The following C6orf89 variants were observed in gnomAD, a reference collection of about 807,000 sequenced individuals.
C6orf89 encodes chromosome 6 open reading frame 89.
A neutral mutation model predicts 40.7 loss-of-function variants in C6orf89; 29 were observed. That is an observed-to-expected ratio of 0.71 (90% CI 0.53 to 0.97). The LOEUF is 0.97. Among genes scored for constraint, C6orf89 ranks in the 50% least tolerant of loss-of-function variants. C6orf89 has a pLI of 0.00. For synonymous variants in C6orf89, 165 were observed against 152.2 expected (o/e 1.08, Z -0.62); for missense variants, 392 against 429.1 (o/e 0.91, Z 0.76).
In C6orf89 at chr6:36,916,450, G is replaced by A; in HGVS notation, c.701G>A (p.Arg234Lys). The A allele has an allele frequency of 6.2e-7, 1 of 1,613,306 alleles. No homozygotes were observed. Among genetic ancestry groups the A allele is most frequent in the Non-Finnish European group, 8.5e-7 (1 of 1,179,528 alleles). ...RWFPFPYPWRRPLNRSQMLRE... is the reference protein window; with the variant it reads ...RWFPFPYPWRKPLNRSQMLRE... ...TCTGTTTCATACTTCTACAGGAGGA[G>A]ACCTCTGAACAGATCACAAATGTTA... The change falls in exon 7 of 9, where the codon AGA (arginine) becomes AAA (lysine). Residue 234 changes from arginine (R) to lysine (K), a missense_variant. Coordinates refer to ENST00000480824, the MANE Select transcript of C6orf89 (RefSeq NM_001286635.2).
In C6orf89 at chr6:36,923,388, A is replaced by G; in HGVS notation, c.991A>G (p.Arg331Gly). Residue 331 changes from arginine to glycine, a missense_variant, in exon 9 of 9, where the codon AGA becomes GGA. Arg to Gly is a moderately radical substitution (Grantham distance 125, BLOSUM62 -2). Transcript: ENST00000480824. ...CCACTGGAAGGTCTACGTTATAGCC[A>G]GAGGGGTCCAGCCTTTGGTCATCTG... ...TTHWKVYVIA[R>G]GVQPLVICDG... 1 of 1,614,196 alleles carries G rather than the reference A, an allele frequency of 6.2e-7. No individual in the cohort carries two copies. Among genetic ancestry groups the G allele is most frequent in the Non-Finnish European group, 8.5e-7 (1 of 1,179,992 alleles).
At chr6:36,886,178 T>G (rs1774979593) in intron 1 of C6orf89, 150 bp downstream of exon 1, 1 of 706,814 alleles carries the variant, frequency 1.4e-6, no homozygotes. Flanking sequence ...CTCTCCAGTT[T>G]TGTAGACTGA....
At chr6:36,912,602 G>T (rs1011219270) in intron 4 of C6orf89, among the ~76,000 whole-genome samples, 9 of 152,148 alleles carry the variant, frequency 5.9e-5, no homozygotes, top group African/African-American at 2.2e-4. Context: ...GGTACTAAAG[G>T]GTTTTCAGCT....
At chr6:36,874,704 C>T in intron 1 of C6orf89, 1 of 1,613,798 alleles carries the variant, frequency 6.2e-7, no homozygotes, top group Non-Finnish European at 8.5e-7. Flanking sequence ...CCCAGACGCC[C>T]GAACCCCCTC....
At chr6:36,897,302 C>T (rs9918461) in intron 2 of C6orf89, among the ~76,000 whole-genome samples, 31,784 of 151,950 alleles carry the variant, frequency 0.21, 3,422 homozygotes, top group East Asian at 0.3. Context: ...ACACCCAAAT[C>T]CTTGCATATT....
intron 8 of C6orf89, among the ~76,000 whole-genome samples, chr6:36,920,053 G>T (rs1300275905): frequency 6.6e-6 from 1 of 152,228 alleles, no homozygotes; most frequent in East Asian, 1.9e-4. Context: ...CCCACTGTCA[G>T]TCGAGCAGAG....
intron 4 of C6orf89, among the ~76,000 whole-genome samples, chr6:36,910,923 A>G (rs903255821): frequency 1.3e-5 from 2 of 152,140 alleles, no homozygotes; most frequent in East Asian, 3.8e-4. Context: ...TAAGAAAGCT[A>G]TTGATTTTTA....
chr6:36,923,254 A>T, intron 8 of C6orf89, 93 bp from the exon 9 acceptor site: 1 of 819,058 alleles, frequency 1.2e-6, no homozygotes, highest in Non-Finnish European at 2.0e-6. Context: ...GTGCACCCTG[A>T]GGGCCAGCTC....
intron 8 of C6orf89, among the ~76,000 whole-genome samples, chr6:36,921,013 T>C (rs1762491009): frequency 6.6e-6 from 1 of 151,946 alleles, no homozygotes; most frequent in African/African-American, 2.4e-5. Context: ...TCAAGAAAGC[T>C]TGAGCATCAA....
At position 36,879,742 on chromosome 6, in the gene C6orf89, C is replaced by CA. The variant is rs967064465; in HGVS notation, c.-503+620dup. Reference sequence around the variant, plus strand: ...AACTTTCCTGCAGGTCCCTGAAACACAAAAAAAAAACTGGATGGGGTCTCC... The same window carrying CA: ...AACTTTCCTGCAGGTCCCTGAAACACAAAAAAAAAAACTGGATGGGGTCTCC... On this transcript the variant is annotated intron_variant, in intron 2 of 9. Coordinates refer to the C6orf89 transcript ENST00000359359. Among the ~76,000 whole-genome samples the CA allele has an allele frequency of 1.9e-3, 285 of 146,348 alleles. 3 individuals are homozygous for CA. The highest frequency in any genetic ancestry group is 3.8e-3 in the Admixed American group (56 of 14,730).
intron 2 of C6orf89, among the ~76,000 whole-genome samples, chr6:36,897,129 C>CAA (rs34191608): frequency 2.1e-3 from 182 of 85,234 alleles, no homozygotes; most frequent in African/African-American, 6.6e-3. Flanking sequence ...GACTCTGTCT[C>CAA]AAAAAAAAAA....
Position 36,923,739 on chromosome 6 carries a change from C to A in C6orf89, c.*298C>A. ...TGGACACTATGACCTTGATGCTGCC[C>A]TTCAGGCAGGAAACAGGGCTGGTGC... On this transcript the variant is annotated 3_prime_UTR_variant, in exon 9 of 9. Transcript: ENST00000480824. 2.6e-6 allele frequency: 1 copy of A among 389,024 alleles called. No homozygotes were observed. 24.1% of individuals were successfully genotyped at this position (389,024 alleles called of 1,614,324 possible).
At chr6:36,902,570 C>T in intron 4 of C6orf89, 136 bp downstream of exon 4, 3 of 745,444 alleles carry the variant, frequency 4.0e-6, no homozygotes, top group African/African-American at 1.8e-5. Flanking sequence ...CCCACTAAAA[C>T]TCTATGAGAT....
chr6:36,873,430 C>A (rs1406917049), intron 1 of C6orf89, among the ~76,000 whole-genome samples: 2 of 152,224 alleles, frequency 1.3e-5, no homozygotes, highest in Admixed American at 1.3e-4. Flanking sequence ...AACATACATA[C>A]AGTATGATCA....
chr6:36,912,782 C>T lies in C6orf89; in HGVS notation c.404-1502C>T, dbSNP rs115371951. Among the ~76,000 whole-genome samples the T allele has an allele frequency of 8.1e-3, 1,231 of 152,264 alleles. 18 individuals carry two copies. Among genetic ancestry groups the T allele is most frequent in the African/African-American group, 0.028 (1,170 of 41,550 alleles). On this transcript the variant is annotated intron_variant, in intron 4 of 8. Transcript: ENST00000480824. ...AAGAGATGGAGGATGCTCAGCAGACCGGCCAAGAACAAACACGGTCTTTCC... is the reference window on the plus strand; with the variant it reads ...AAGAGATGGAGGATGCTCAGCAGACTGGCCAAGAACAAACACGGTCTTTCC...
At chr6:36,909,337 A>G (rs375669951) in intron 4 of C6orf89, among the ~76,000 whole-genome samples, 1 of 152,154 alleles carries the variant, frequency 6.6e-6, no homozygotes, top group East Asian at 1.9e-4. Flanking sequence ...AAATGCAACC[A>G]AATTGTCTTC....
intron 2 of C6orf89, among the ~76,000 whole-genome samples, chr6:36,880,263 G>T (rs1282129184): frequency 6.6e-6 from 1 of 152,190 alleles, no homozygotes; most frequent in Non-Finnish European, 1.5e-5. Context: ...AGGCTCTAAT[G>T]GCCTGGAATC....
chr6:36,894,471 T>C, intron 1 of C6orf89, 33 bp from the exon 2 acceptor site: 2 of 936,302 alleles, frequency 2.1e-6, no homozygotes, highest in Non-Finnish European at 2.5e-6. Flanking sequence ...GTGAAAAATG[T>C]TGTAATAAGT....
intron 1 of C6orf89, chr6:36,874,883 G>A: frequency 1.1e-5 from 14 of 1,250,348 alleles, no homozygotes; most frequent in Non-Finnish European, 1.6e-5. Flanking sequence ...TTCGATACCA[G>A]GATTTGGGTG....
Sources: gnomAD v4.1 joint callset for allele counts (sites outside exome capture counted in the v4.1 genomes callset) on GRCh38, gnomAD v4.1.1 for gene constraint, MANE v1.5 for transcripts, NCBI Gene and HGNC (gene_info 2026-07-23, HGNC 2026-07-21) for gene names.